ARL6IP5: variants seen among roughly 807,000 people sequenced by gnomAD.
ARL6IP5 encodes the protein PRA1 family protein 3.
In ARL6IP5, 6 loss-of-function variants were observed where a neutral mutation model predicts 13.0. The observed-to-expected ratio is 0.46, with a 90% CI of 0.25 to 0.91. The LOEUF is 0.91. Among genes scored for constraint, ARL6IP5 ranks in the 40% least tolerant of loss-of-function variants. ARL6IP5 has a pLI of 0.17. For missense variants in ARL6IP5, 208 were observed against 248.8 expected, an observed-to-expected ratio of 0.84 and a Z score of 1.10; for synonymous variants, 91 against 91.9, an observed-to-expected ratio of 0.99 and a Z score of 0.06.
intron 1 of ARL6IP5, among the ~76,000 whole-genome samples, chr3:69,099,471 T>G (rs1014955638): frequency 6.6e-6 from 1 of 152,246 alleles, no homozygotes; most frequent in African/African-American, 2.4e-5. Context: ...AGTTTGACAT[T>G]GATTTTATCC....
Position 69,105,053 on chromosome 3 carries a change from G to C in ARL6IP5, c.*417G>C. On this transcript the variant is annotated 3_prime_UTR_variant, in exon 3 of 3. Coordinates refer to ENST00000273258, the MANE Select transcript of ARL6IP5 (RefSeq NM_006407.4). ...AGTAGATGACATCATGTGTTAGCCT[G>C]TTCCTAATCCCCTAGAATTGTAATG... The C allele has an allele frequency of 1.7e-6, 1 of 586,916 alleles. No homozygotes were observed. Among genetic ancestry groups the C allele is most frequent in the Non-Finnish European group, 3.0e-6 (1 of 333,252 alleles). 36.4% of individuals were successfully genotyped at this position (586,916 alleles called of 1,614,324 possible). A position where few individuals can be genotyped will look rare whatever the true frequency, so the allele number is the denominator to read the frequency against.
Position 69,099,132 on chromosome 3 carries a change from GGGGGGT to G in ARL6IP5, c.177-2701_177-2696del, listed in dbSNP as rs1013094813. ...AGCACTTTGGGAGGCTGAGGGGCGGGGGGGGTGGGGGGTGGATCACATGAGGTCAGG... is the reference window on the plus strand; with the variant it reads ...AGCACTTTGGGAGGCTGAGGGGCGGGGGGGGGTGGATCACATGAGGTCAGG... On this transcript the variant is annotated intron_variant, in intron 1 of 2. Transcript: ENST00000273258. Among the ~76,000 whole-genome samples, 21 of 110,818 alleles carry G rather than the reference GGGGGGT, an allele frequency of 1.9e-4. 1 individual carries two copies. Among genetic ancestry groups the G allele is most frequent in the African/African-American group, 7.6e-4 (20 of 26,398 alleles). 72.7% of individuals were successfully genotyped at this position (110,818 alleles called of 152,430 possible).
At chr3:69,091,517 G>A (rs1305947535) in intron 1 of ARL6IP5, among the ~76,000 whole-genome samples, 2 of 151,866 alleles carry the variant, frequency 1.3e-5, no homozygotes, top group South Asian at 2.1e-4. Flanking sequence ...GGCTGGTTTC[G>A]AACTCCTGGG....
At chr3:69,095,478 C>G (rs2092283909) in intron 1 of ARL6IP5, among the ~76,000 whole-genome samples, 1 of 151,312 alleles carries the variant, frequency 6.6e-6, no homozygotes, top group Non-Finnish European at 1.5e-5. Context: ...TGCTGTTTCT[C>G]CCTTCTTTCT....
At chr3:69,094,366 C>T (rs2092280191) in intron 1 of ARL6IP5, among the ~76,000 whole-genome samples, 1 of 152,202 alleles carries the variant, frequency 6.6e-6, no homozygotes, top group Non-Finnish European at 1.5e-5. Context: ...GTGGCCCTGG[C>T]TGCAGAGGCA....
In ARL6IP5 at chr3:69,091,190, A is replaced by T. The variant is rs544332034; in HGVS notation, c.176+5967A>T. Among the ~76,000 whole-genome samples, 10 of 152,288 alleles carry T rather than the reference A, an allele frequency of 6.6e-5. No homozygotes were observed. In the East Asian group the frequency reaches 1.9e-3, roughly 29 times the overall value. ...ACTACAGCCTGGGTAACAGAGTGAG[A>T]CGCCGTGTAAAAAATAAATAAGTAA... On this transcript the variant is annotated intron_variant, in intron 1 of 2. Transcript: ENST00000273258.
At chr3:69,092,566 G>A (rs878950287) in intron 1 of ARL6IP5, among the ~76,000 whole-genome samples, 22 of 152,180 alleles carry the variant, frequency 1.4e-4, no homozygotes, top group African/African-American at 4.3e-4. Flanking sequence ...TGCCTCCCAG[G>A]TTCAAGCGAT....
intron 1 of ARL6IP5, among the ~76,000 whole-genome samples, chr3:69,093,760 CAAAA>C (rs750066390): frequency 0.017 from 1,247 of 71,946 alleles, 7 homozygotes; most frequent in Non-Finnish European, 0.026. Context: ...GATTCTGTCT[CAAAA>C]AAAAAAAAAA....
rs74432448 is a variant in ARL6IP5 at position 69,099,143 on chromosome 3, G to C, written c.177-2696G>C. On this transcript the variant is annotated intron_variant, in intron 1 of 2. Coordinates refer to ENST00000273258, the MANE Select transcript of ARL6IP5 (RefSeq NM_006407.4). ...AGGCTGAGGGGCGGGGGGGGTGGGG[G>C]GTGGATCACATGAGGTCAGGAGTTC... Among the ~76,000 whole-genome samples the C allele has an allele frequency of 7.6e-5, 10 of 132,134 alleles. 1 individual carries two copies. Among genetic ancestry groups the C allele is most frequent in the South Asian group, 2.8e-4 (1 of 3,610 alleles). 86.7% of individuals were successfully genotyped at this position (132,134 alleles called of 152,430 possible). A position where few individuals can be genotyped will look rare whatever the true frequency, so the allele number is the denominator to read the frequency against.
In ARL6IP5 at chr3:69,085,122, C is replaced by T; in HGVS notation, c.75C>T (p.Asp25=). 6.2e-7 allele frequency: 1 copy of T among 1,614,218 alleles called. No individual in the cohort carries two copies. The highest frequency in any genetic ancestry group is 8.5e-7 in the Non-Finnish European group (1 of 1,180,046). Residue 25 remains aspartate, a synonymous_variant, in exon 1 of 3, where the codon GAC becomes GAT. Transcript: ENST00000273258. ...FPGSDRFARP[D]FRDISKWNNR... ...GTTCCGATCGCTTTGCCCGGCCGGACTTCAGGGACATTTCCAAATGGAACA... is the reference window on the plus strand; with the variant it reads ...GTTCCGATCGCTTTGCCCGGCCGGATTTCAGGGACATTTCCAAATGGAACA...
At chr3:69,102,086 A>G (rs2092307547) in intron 2 of ARL6IP5, 30 bp downstream of exon 2, 1 of 1,597,528 alleles carries the variant, frequency 6.3e-7, no homozygotes. Context: ...TTCTTCCATC[A>G]TCAAAAAAAT....
At chr3:69,101,774 T>C in intron 1 of ARL6IP5, 65 bp from the exon 2 acceptor site, 3 of 1,373,956 alleles carry the variant, frequency 2.2e-6, no homozygotes, top group Middle Eastern at 1.8e-4. Flanking sequence ...TTTACTCCTC[T>C]TTCTCCTTTT....
intron 1 of ARL6IP5, among the ~76,000 whole-genome samples, chr3:69,096,175 G>C (rs566046961): frequency 1.3e-5 from 2 of 152,280 alleles, no homozygotes; most frequent in South Asian, 2.1e-4. Context: ...TTGGAAACTT[G>C]CTTGCTTTCT....
At position 69,101,976 on chromosome 3, in the gene ARL6IP5, T is replaced by G. The variant is rs1471032012; in HGVS notation, c.314T>G (p.Val105Gly). The G allele has an allele frequency of 6.2e-7, 1 of 1,614,136 alleles. No homozygotes were observed. Among genetic ancestry groups the G allele is most frequent in the Non-Finnish European group, 8.5e-7 (1 of 1,180,022 alleles). Reference protein sequence around the residue: ...KRYPTTFVMVVMLASYFLISM... With the variant: ...KRYPTTFVMVGMLASYFLISM... ...TACCCCACGACGTTCGTTATGGTGGTCATGTTGGCGAGCTATTTCCTTATC... is the reference window on the plus strand; with the variant it reads ...TACCCCACGACGTTCGTTATGGTGGGCATGTTGGCGAGCTATTTCCTTATC... Residue 105 changes from valine (V) to glycine (G), a missense_variant, in exon 2 of 3, where the codon GTC (valine) becomes GGC (glycine). Transcript: ENST00000273258.
At chr3:69,092,999 A>G (rs1277576963) in intron 1 of ARL6IP5, among the ~76,000 whole-genome samples, 2 of 152,166 alleles carry the variant, frequency 1.3e-5, no homozygotes, top group East Asian at 3.9e-4. Flanking sequence ...CTACCTATGT[A>G]TATGTTAGTT....
chr3:69,090,615 A>G (rs902234427), intron 1 of ARL6IP5, among the ~76,000 whole-genome samples: 5 of 152,200 alleles, frequency 3.3e-5, no homozygotes, highest in African/African-American at 1.2e-4. Flanking sequence ...GTAGACAGGA[A>G]AAAGGTTTTT....
At chr3:69,101,077 T>A (rs2092303871) in intron 1 of ARL6IP5, among the ~76,000 whole-genome samples, 1 of 152,108 alleles carries the variant, frequency 6.6e-6, no homozygotes, top group Non-Finnish European at 1.5e-5. Context: ...TGTGACTGTA[T>A]ACTGGATCTA....
chr3:69,099,013 GC>G (rs1039405285), intron 1 of ARL6IP5, among the ~76,000 whole-genome samples: 27 of 151,886 alleles, frequency 1.8e-4, no homozygotes, highest in Admixed American at 1.2e-3. Context: ...ACAAGTATTT[GC>G]AAGGATTTTG....
At chr3:69,098,047 T>A (rs976917378) in intron 1 of ARL6IP5, among the ~76,000 whole-genome samples, 7 of 152,040 alleles carry the variant, frequency 4.6e-5, no homozygotes, top group Non-Finnish European at 1.0e-4. Flanking sequence ...TATTTCTGAT[T>A]ATGAAATAAT....
Sources: gnomAD v4.1 joint callset for allele counts (sites outside exome capture counted in the v4.1 genomes callset) on GRCh38, gnomAD v4.1.1 for gene constraint, MANE v1.5 for transcripts, NCBI Gene and HGNC (gene_info 2026-07-23, HGNC 2026-07-21) for gene names.